The following SH3GL2 variants were observed in gnomAD, a reference collection of about 807,000 sequenced individuals.
The protein encoded by SH3GL2 is endophilin-A1.
A neutral mutation model predicts 46.0 loss-of-function variants in SH3GL2; 24 were observed. That is an observed-to-expected ratio of 0.52 (90% CI 0.38 to 0.73). SH3GL2 has a LOEUF of 0.73. Among genes scored for constraint, SH3GL2 ranks in the 30% least tolerant of loss-of-function variants. The probability of loss-of-function intolerance (pLI) is 0.00; values close to 1 mark genes in which losing one functional copy is unlikely to be tolerated. For missense variants in SH3GL2, 413 were observed against 424.2 expected, an observed-to-expected ratio of 0.97 and a Z score of 0.23; for synonymous variants, 196 against 147.1, an observed-to-expected ratio of 1.33 and a Z score of -2.40.
At chr9:17,685,798 T>C (rs1162975891) in intron 1 of SH3GL2, among the ~76,000 whole-genome samples, 3 of 152,108 alleles carry the variant, frequency 2.0e-5, no homozygotes, top group African/African-American at 7.2e-5. Context: ...TTCTGTTCCA[T>C]TGATCTATAT....
intron 1 of SH3GL2, among the ~76,000 whole-genome samples, chr9:17,745,464 C>G (rs1050030707): frequency 2.6e-5 from 4 of 152,068 alleles, no homozygotes; most frequent in South Asian, 4.1e-4. Flanking sequence ...CTCTGTGTAC[C>G]TATCAAGGAA....
intron 1 of SH3GL2, among the ~76,000 whole-genome samples, chr9:17,645,288 T>C (rs1819787520): frequency 6.7e-6 from 1 of 150,294 alleles, no homozygotes; most frequent in Admixed American, 6.7e-5. Context: ...ATGGGTCTCC[T>C]GAATACAACA....
chr9:17,684,389 A>C (rs1820851388), intron 1 of SH3GL2, among the ~76,000 whole-genome samples: 1 of 152,118 alleles, frequency 6.6e-6, no homozygotes, highest in South Asian at 2.1e-4. Context: ...ATTTATGGGA[A>C]ATCTGAAACA....
intron 1 of SH3GL2, among the ~76,000 whole-genome samples, chr9:17,669,651 G>C (rs909772887): frequency 6.6e-6 from 1 of 152,138 alleles, no homozygotes; most frequent in African/African-American, 2.4e-5. Context: ...TTGTATAATT[G>C]TTTAGTTTTT....
chr9:17,717,040 G>T (rs1041232434), intron 1 of SH3GL2, among the ~76,000 whole-genome samples: 1 of 151,970 alleles, frequency 6.6e-6, no homozygotes, highest in Admixed American at 6.6e-5. Context: ...TTTTTATTTC[G>T]TCAGAACCTG....
At chr9:17,602,977 G>A (rs575941247) in intron 1 of SH3GL2, among the ~76,000 whole-genome samples, 9 of 152,220 alleles carry the variant, frequency 5.9e-5, no homozygotes, top group African/African-American at 2.2e-4. Flanking sequence ...TTTTACTTTA[G>A]TTGTAGCAAA....
intron 1 of SH3GL2, among the ~76,000 whole-genome samples, chr9:17,670,547 A>G (rs1820448565): frequency 6.6e-6 from 1 of 152,190 alleles, no homozygotes; most frequent in Non-Finnish European, 1.5e-5. Flanking sequence ...TTTACACAAA[A>G]CAGTTGTATT....
intron 3 of SH3GL2, among the ~76,000 whole-genome samples, chr9:17,762,199 C>T (rs1434386920): frequency 6.6e-6 from 1 of 152,204 alleles, no homozygotes; most frequent in East Asian, 1.9e-4. Context: ...TTTCTAACCA[C>T]AGGGCACGGA....
intron 1 of SH3GL2, among the ~76,000 whole-genome samples, chr9:17,599,639 C>G (rs528706078): frequency 6.6e-6 from 1 of 152,178 alleles, no homozygotes; most frequent in Non-Finnish European, 1.5e-5. Context: ...ATGATGTGAT[C>G]TACATTCACA....
chr9:17,667,302 A>G (rs932051246), intron 1 of SH3GL2, among the ~76,000 whole-genome samples: 1 of 152,192 alleles, frequency 6.6e-6, no homozygotes, highest in Non-Finnish European at 1.5e-5. Flanking sequence ...CATCACCACT[A>G]GAAAATGTTC....
intron 1 of SH3GL2, among the ~76,000 whole-genome samples, chr9:17,679,798 G>A (rs1225438237): frequency 6.6e-6 from 1 of 152,076 alleles, no homozygotes; most frequent in Non-Finnish European, 1.5e-5. Context: ...TTTGAGATAT[G>A]TCCCATCAAT....
At chr9:17,648,602 T>C (rs1819883572) in intron 1 of SH3GL2, among the ~76,000 whole-genome samples, 1 of 152,158 alleles carries the variant, frequency 6.6e-6, no homozygotes, top group African/African-American at 2.4e-5. Flanking sequence ...TTGTCATTAT[T>C]ATTATAATAA....
At chr9:17,712,533 C>A (rs2118282694) in intron 1 of SH3GL2, among the ~76,000 whole-genome samples, 1 of 151,862 alleles carries the variant, frequency 6.6e-6, no homozygotes, top group Admixed American at 6.6e-5. Flanking sequence ...ATATGAACAT[C>A]CAATTTCTCT....
intron 1 of SH3GL2, among the ~76,000 whole-genome samples, chr9:17,682,975 T>TAAA (rs891685066): frequency 6.6e-6 from 1 of 152,044 alleles, no homozygotes; most frequent in Non-Finnish European, 1.5e-5. Context: ...CTTACAATAG[T>TAAA]AAAAAATCCA....
rs537057366 is a variant in SH3GL2 at position 17,694,779 on chromosome 9, G to A, written c.46-52287G>A. On this transcript the variant is annotated intron_variant, in intron 1 of 8. Transcript: ENST00000380607. ...GATTTCCTTAAGGTATTGCTCTGGA[G>A]AATTTAAATAATTGAGTTAAATGTC... Among the ~76,000 whole-genome samples the A allele has an allele frequency of 2.0e-4, 30 of 152,272 alleles. No homozygotes were observed. The East Asian group carries it at 4.6e-3, about 24-fold the overall frequency.
chr9:17,778,330 C>A (rs1823704090), intron 3 of SH3GL2, among the ~76,000 whole-genome samples: 1 of 151,986 alleles, frequency 6.6e-6, no homozygotes. Flanking sequence ...CCTCATGGAG[C>A]CTATACTCTG....
At chr9:17,587,378 T>C (rs937768194) in intron 1 of SH3GL2, among the ~76,000 whole-genome samples, 34 of 152,310 alleles carry the variant, frequency 2.2e-4, no homozygotes, top group African/African-American at 8.2e-4. Context: ...GGTTTTACAA[T>C]CTGGCTCTGC....
chr9:17,627,785 G>A (rs1819316061), intron 1 of SH3GL2, among the ~76,000 whole-genome samples: 1 of 152,190 alleles, frequency 6.6e-6, no homozygotes, highest in Non-Finnish European at 1.5e-5. Flanking sequence ...GATGGCACTA[G>A]CTGAAAAGAC....
intron 1 of SH3GL2, among the ~76,000 whole-genome samples, chr9:17,744,782 G>A (rs1822632155): frequency 6.6e-6 from 1 of 152,196 alleles, no homozygotes; most frequent in African/African-American, 2.4e-5. Context: ...GTCACAGTTG[G>A]TACAGGCTTC....
Sources: gnomAD v4.1 joint callset for allele counts (sites outside exome capture counted in the v4.1 genomes callset) on GRCh38, gnomAD v4.1.1 for gene constraint, MANE v1.5 for transcripts, NCBI Gene and HGNC (gene_info 2026-07-23, HGNC 2026-07-21) for gene names.